Variants in TMCO5A observed in about 807,000 individuals in gnomAD.
The protein encoded by TMCO5A is transmembrane and coiled-coil domains 5A, also known as transmembrane and coiled-coil domain-containing protein 5A.
In TMCO5A, 34 loss-of-function variants were observed where a neutral mutation model predicts 42.3. The observed-to-expected ratio is 0.80, with a 90% CI of 0.61 to 1.07. TMCO5A has a LOEUF of 1.07. Ranked by LOEUF, TMCO5A falls within the 50% of genes least tolerant of loss-of-function variation. The probability of loss-of-function intolerance (pLI) is 0.00; values close to 1 mark genes in which losing one functional copy is unlikely to be tolerated. For missense variants in TMCO5A, 357 were observed against 327.9 expected (o/e 1.09, Z -0.69); for synonymous variants, 131 against 115.6 (o/e 1.13, Z -0.86).
the TMCO5A span, among the ~76,000 whole-genome samples, chr15:38,028,733 GT>G: frequency 2.0e-5 from 3 of 151,966 alleles, no homozygotes; most frequent in African/African-American, 7.3e-5. Flanking sequence ...AGGGCAGATA[GT>G]GTCTGAAAAG....
chr15:37,952,188 G>A (rs1220946887), downstream of TMCO5A, among the ~76,000 whole-genome samples: 2 of 152,048 alleles, frequency 1.3e-5, no homozygotes, highest in African/African-American at 4.8e-5. Context: ...GTGAGTCCTA[G>A]TGCTGCACTA....
intron 8 of TMCO5A, 137 bp from the exon 9 acceptor site, chr15:37,942,054 G>C: frequency 2.5e-6 from 2 of 815,840 alleles, no homozygotes; most frequent in Non-Finnish European, 3.9e-6. Context: ...AGGGGGGTGA[G>C]TTTTATGAAA....
At chr15:38,032,926 C>CTTT in the TMCO5A span, among the ~76,000 whole-genome samples, 2 of 100,156 alleles carry the variant, frequency 2.0e-5, no homozygotes, top group Non-Finnish European at 4.2e-5. Context: ...AATTTGGTCT[C>CTTT]TTTTTTTTTT....
chr15:37,977,819 G>A, the TMCO5A span, among the ~76,000 whole-genome samples: 4 of 152,310 alleles, frequency 2.6e-5, no homozygotes, highest in Admixed American at 6.5e-5. Flanking sequence ...TCAGAGAAAT[G>A]CAGGGCCCTT....
Position 37,943,231 on chromosome 15 carries a change from T to C in TMCO5A, c.570-110T>C, listed in dbSNP as rs970195514. 1.6e-5 allele frequency: 15 copies of C among 938,944 alleles called. No individual in the cohort carries two copies. The Admixed American group carries it at 3.9e-4, about 24-fold the overall frequency. 58.2% of individuals were successfully genotyped at this position (938,944 alleles called of 1,614,324 possible). On this transcript the variant is annotated intron_variant, in intron 9 of 11. Transcript: ENST00000319669. The stretch of plus-strand genomic sequence containing the variant: ...AGCTATAGGTAGACAGTAGTTACAA[T>C]ATTGGACAGTACAGATTTAGAATAT...
At chr15:37,953,770 G>A (rs1462834216), downstream of TMCO5A, among the ~76,000 whole-genome samples, 1 of 152,038 alleles carries the variant, frequency 6.6e-6, no homozygotes, top group East Asian at 1.9e-4. Flanking sequence ...CTTTCAGGAA[G>A]AAATTTAAAA....
the TMCO5A span, among the ~76,000 whole-genome samples, chr15:38,011,792 C>G: frequency 1.3e-4 from 20 of 152,182 alleles, no homozygotes; most frequent in African/African-American, 4.3e-4. Context: ...GTATCTTTTC[C>G]TGCTCTGAAA....
intron 11 of TMCO5A, among the ~76,000 whole-genome samples, chr15:37,948,839 C>A (rs1365483324): frequency 6.6e-6 from 1 of 152,010 alleles, no homozygotes; most frequent in Non-Finnish European, 1.5e-5. Flanking sequence ...CCTTCTCATG[C>A]GTATTGGCTG....
the TMCO5A span, among the ~76,000 whole-genome samples, chr15:38,033,084 C>G: frequency 2.0e-5 from 3 of 151,998 alleles, no homozygotes; most frequent in Admixed American, 2.0e-4. Context: ...CCAGCCACCT[C>G]GCCCGGCTAA....
the TMCO5A span, among the ~76,000 whole-genome samples, chr15:38,022,944 C>G: frequency 2.0e-5 from 3 of 151,974 alleles, no homozygotes; most frequent in Non-Finnish European, 4.4e-5. Flanking sequence ...TATAATTATT[C>G]TATTTCCTCT....
At chr15:38,030,810 A>G in the TMCO5A span, among the ~76,000 whole-genome samples, 1 of 152,076 alleles carries the variant, frequency 6.6e-6, no homozygotes, top group East Asian at 1.9e-4. Flanking sequence ...TTGCCCACTC[A>G]TCCTTTGGGT....
the TMCO5A span, among the ~76,000 whole-genome samples, chr15:38,005,726 A>T: frequency 1.3e-5 from 2 of 152,154 alleles, no homozygotes; most frequent in Admixed American, 1.3e-4. Flanking sequence ...ACCATTGAAA[A>T]CTGTATGATG....
At chr15:37,948,472 C>A (rs953192174) in intron 11 of TMCO5A, among the ~76,000 whole-genome samples, 1 of 152,012 alleles carries the variant, frequency 6.6e-6, no homozygotes, top group Non-Finnish European at 1.5e-5. Flanking sequence ...CCCCTTCATA[C>A]CAGATAAATG....
At chr15:37,997,329 TA>T in the TMCO5A span, among the ~76,000 whole-genome samples, 2 of 152,250 alleles carry the variant, frequency 1.3e-5, no homozygotes, top group Admixed American at 6.5e-5. Flanking sequence ...AAAATGCAAA[TA>T]TTTTTAAATG....
At chr15:37,956,045 A>ATTT (rs1890281309), downstream of TMCO5A, among the ~76,000 whole-genome samples, 2 of 152,296 alleles carry the variant, frequency 1.3e-5, no homozygotes, top group African/African-American at 4.8e-5. Flanking sequence ...CTTTGAAACC[A>ATTT]ATGAGAACAA....
chr15:37,991,993 C>A, the TMCO5A span, among the ~76,000 whole-genome samples: 1 of 152,048 alleles, frequency 6.6e-6, no homozygotes, highest in Non-Finnish European at 1.5e-5. Context: ...GCAGCAAAAG[C>A]AAAACTTGAC....
the TMCO5A span, among the ~76,000 whole-genome samples, chr15:37,976,795 T>TC: frequency 1.1e-5 from 1 of 93,788 alleles, no homozygotes; most frequent in East Asian, 2.5e-4. Flanking sequence ...TCTTCTTTCT[T>TC]TTTTTTTTTT....
At chr15:38,032,883 G>A in the TMCO5A span, among the ~76,000 whole-genome samples, 7 of 151,580 alleles carry the variant, frequency 4.6e-5, no homozygotes, top group Admixed American at 6.6e-5. Context: ...TGTAATAGTG[G>A]AAGTAGACTG....
intron 11 of TMCO5A, among the ~76,000 whole-genome samples, chr15:37,962,088 A>T (rs925904960): frequency 2.0e-5 from 3 of 151,932 alleles, no homozygotes; most frequent in Non-Finnish European, 2.9e-5. Context: ...GAAGAGGAGT[A>T]GTGAGAGTGG....
Sources: gnomAD v4.1 joint callset for allele counts (sites outside exome capture counted in the v4.1 genomes callset) on GRCh38, gnomAD v4.1.1 for gene constraint, MANE v1.5 for transcripts, NCBI Gene and HGNC (gene_info 2026-07-23, HGNC 2026-07-21) for gene names.